BICDL1: variants seen among roughly 807,000 people sequenced by gnomAD.
BICDL1 encodes BICD family like cargo adaptor 1, also known as BICD family-like cargo adapter 1.
BICDL1 carries 20 observed loss-of-function variants against 76.8 expected under a neutral mutation model. That is an observed-to-expected ratio of 0.26 (90% CI 0.18 to 0.38). The LOEUF (loss-of-function observed/expected upper bound fraction) is 0.38. Among genes scored for constraint, BICDL1 ranks in the 10% least tolerant of loss-of-function variants. The pLI is 1.00. For synonymous variants in BICDL1, 383 were observed against 337.1 expected (o/e 1.14, Z -1.49); for missense variants, 700 against 798.6 (o/e 0.88, Z 1.49).
chr12:120,077,910 C>G (rs1873685059), intron 7 of BICDL1, among the ~76,000 whole-genome samples: 2 of 151,878 alleles, frequency 1.3e-5, no homozygotes, highest in Non-Finnish European at 2.9e-5. Context: ...AAGCCTTGAG[C>G]TGTTGTGGCT....
At chr12:120,029,657 AATTATT>A (rs1040550696) in intron 2 of BICDL1, among the ~76,000 whole-genome samples, 3 of 151,800 alleles carry the variant, frequency 2.0e-5, no homozygotes, top group African/African-American at 7.3e-5. Flanking sequence ...TTGACCCCAG[AATTATT>A]ATTATTATTA....
Position 120,066,555 on chromosome 12 carries a change from C to G in BICDL1, c.909+1676C>G, listed in dbSNP as rs146990447. Among the ~76,000 whole-genome samples, 148 of 152,332 alleles carry G rather than the reference C, an allele frequency of 9.7e-4. 1 individual carries two copies. The highest frequency in any genetic ancestry group is 3.3e-3 in the African/African-American group (138 of 41,576). On this transcript the variant is annotated intron_variant, in intron 4 of 9. Coordinates refer to ENST00000548673, the MANE Select transcript of BICDL1 (RefSeq NM_001367886.1). ...AGCGAGAATCCCGTCATGCCACATG[C>G]ACTTGCTCACCATGTGCACATCCAC... is the stretch of plus-strand genomic sequence containing the variant.
At chr12:119,994,787 C>G (rs1416070369) in intron 1 of BICDL1, among the ~76,000 whole-genome samples, 1 of 152,184 alleles carries the variant, frequency 6.6e-6, no homozygotes, top group East Asian at 1.9e-4. Flanking sequence ...TGCGCCCAGC[C>G]ATAGACTCTA....
Position 120,079,353 on chromosome 12 carries a change from AGCTT to A in BICDL1, c.1453-1532_1453-1529del, listed in dbSNP as rs1379550545. Among the ~76,000 whole-genome samples the A allele has an allele frequency of 6.6e-6, 1 of 152,208 alleles. No individual in the cohort carries two copies. Among genetic ancestry groups the A allele is most frequent in the Non-Finnish European group, 1.5e-5 (1 of 68,038 alleles). Reference sequence around the variant, plus strand: ...TTTCAGACACTTCAAGATCAAGGGAAGCTTGATCTTCAGCCTTACACCTGGGGCC... The same window carrying A: ...TTTCAGACACTTCAAGATCAAGGGAAGATCTTCAGCCTTACACCTGGGGCC... On this transcript the variant is annotated intron_variant, in intron 7 of 9. Transcript: ENST00000548673. This position sits in a 1 kb window ranked among gnomAD's most constrained non-coding sequence, Gnocchi z 4.3.
intron 8 of BICDL1, among the ~76,000 whole-genome samples, chr12:120,086,412 G>A (rs1874419079): frequency 6.6e-6 from 1 of 152,106 alleles, no homozygotes. Flanking sequence ...CTCCATCCTG[G>A]CCGCACATTA....
At chr12:120,091,433 A>G (rs1408209346) in intron 9 of BICDL1, 25 of 1,005,998 alleles carry the variant, frequency 2.5e-5, no homozygotes, top group Non-Finnish European at 3.0e-5. Flanking sequence ...TAGCATTCCT[A>G]CATTGGATTT....
At position 120,093,312 on chromosome 12, in the gene BICDL1, TC is replaced by T; in HGVS notation, c.*152del. The T allele has an allele frequency of 1.1e-6, 1 of 882,114 alleles. No individual in the cohort carries two copies. The highest frequency in any genetic ancestry group is 1.7e-5 in the South Asian group (1 of 58,188). 54.6% of individuals were successfully genotyped at this position (882,114 alleles called of 1,614,324 possible). A position where few individuals can be genotyped will look rare whatever the true frequency, so the allele number is the denominator to read the frequency against. ...GTCCGGGAGGGCCTGCTCCCTTTCG[TC>T]GGTGGGGATGGAGACCTAGAGGTGG... On this transcript the variant is annotated 3_prime_UTR_variant, in exon 10 of 10. Transcript: ENST00000548673.
At chr12:120,075,421 G>T (rs947502017) in intron 7 of BICDL1, among the ~76,000 whole-genome samples, 1 of 151,220 alleles carries the variant, frequency 6.6e-6, no homozygotes, top group African/African-American at 2.4e-5. Flanking sequence ...TTTGAGACAG[G>T]GTTTCACTCT....
chr12:120,015,198 TCTC>T (rs1414858619), intron 2 of BICDL1, among the ~76,000 whole-genome samples: 2 of 152,156 alleles, frequency 1.3e-5, no homozygotes, highest in Admixed American at 1.3e-4. Flanking sequence ...ACCTGAAACA[TCTC>T]CTTGCCTTTA....
rs113471151 is a variant in BICDL1 at position 120,071,956 on chromosome 12, C to A, written c.1089+155C>A. Among the ~76,000 whole-genome samples the A allele has an allele frequency of 9.2e-5, 14 of 152,370 alleles. No homozygotes were observed. The highest frequency in any genetic ancestry group is 3.4e-4 in the African/African-American group (14 of 41,586). ...TGGCTAGAGTGTCATGAAGCAGGCC[C>A]TGATGGAGCATGTCCCTGGCCCTCC... On this transcript the variant is annotated intron_variant, in intron 5 of 9. Transcript: ENST00000548673. This position sits in a 1 kb window ranked among gnomAD's most constrained non-coding sequence, Gnocchi z 4.8.
In BICDL1 at chr12:120,064,876, A is replaced by G. The variant is rs954794414; in HGVS notation, c.906A>G (p.Leu302=). Residue 302 remains leucine, a synonymous_variant, in exon 4 of 10, where the codon CTA becomes CTG. Transcript: ENST00000548673. ...AGAGGCAGGGCCATGACAAGGACCT[A>G]CAGGTACTGGGGTAGAGAAGCTGTC... is the stretch of plus-strand genomic sequence containing the variant. ...ILERQGHDKD[L]QLHQSQLELQ... 4 of 1,607,732 alleles carry G rather than the reference A, an allele frequency of 2.5e-6. No homozygotes were observed. The African/African-American group carries it at 5.4e-5, about 22-fold the overall frequency.
intron 2 of BICDL1, among the ~76,000 whole-genome samples, chr12:120,045,826 G>A (rs1009479576): frequency 1.3e-5 from 2 of 150,912 alleles, no homozygotes; most frequent in Admixed American, 1.3e-4. Context: ...GCTAGATGAC[G>A]AGTTAGTGGG....
At chr12:120,017,603 A>T (rs1231322503) in intron 2 of BICDL1, among the ~76,000 whole-genome samples, 1 of 152,116 alleles carries the variant, frequency 6.6e-6, no homozygotes, top group Non-Finnish European at 1.5e-5. Context: ...ATGGTGGCAC[A>T]GGTCTATAGT....
chr12:119,996,984 C>T (rs1018510145), intron 1 of BICDL1, among the ~76,000 whole-genome samples: 3 of 151,312 alleles, frequency 2.0e-5, no homozygotes, highest in African/African-American at 7.3e-5. Context: ...AGTCTCGCTC[C>T]GTCGTCCGGG....
intron 2 of BICDL1, among the ~76,000 whole-genome samples, chr12:120,028,091 GTTAAATGGC>G (rs1194130114): frequency 6.6e-6 from 1 of 152,150 alleles, no homozygotes; most frequent in Non-Finnish European, 1.5e-5. Flanking sequence ...AAGGCTAGCT[GTTAAATGGC>G]TTTGCTTTTC....
At chr12:120,081,398 C>A (rs991908539) in intron 8 of BICDL1, among the ~76,000 whole-genome samples, 3 of 137,358 alleles carry the variant, frequency 2.2e-5, no homozygotes, top group African/African-American at 8.5e-5. Flanking sequence ...CTTGTCCAGG[C>A]TGCAGTGCGA....
chr12:120,032,636 C>T (rs148020217), intron 2 of BICDL1, among the ~76,000 whole-genome samples: 1 of 152,000 alleles, frequency 6.6e-6, no homozygotes, highest in Admixed American at 6.6e-5. Flanking sequence ...TAGAGGCAAG[C>T]CAAATAATTT....
At chr12:120,020,081 A>G (rs1467403337) in intron 2 of BICDL1, among the ~76,000 whole-genome samples, 3 of 152,220 alleles carry the variant, frequency 2.0e-5, no homozygotes, top group Non-Finnish European at 4.4e-5. Flanking sequence ...ACTAGTTAGT[A>G]GTAATGAGCA....
At chr12:120,041,922 T>C (rs1333076419) in intron 2 of BICDL1, among the ~76,000 whole-genome samples, 1 of 152,122 alleles carries the variant, frequency 6.6e-6, no homozygotes, top group East Asian at 1.9e-4. Context: ...GTAAGGACTT[T>C]ATTATGTTTT....
Sources: gnomAD v4.1 joint callset for allele counts (sites outside exome capture counted in the v4.1 genomes callset) on GRCh38, gnomAD v4.1.1 for gene constraint, Gnocchi (gnomAD v3.1) non-coding constraint, MANE v1.5 for transcripts, NCBI Gene and HGNC (gene_info 2026-07-23, HGNC 2026-07-21) for gene names.